The following DHRSX variants were observed in gnomAD, a reference collection of about 807,000 sequenced individuals.
DHRSX encodes dehydrogenase/reductase X-linked, also known as polyprenol dehydrogenase.
DHRSX carries 31 observed loss-of-function variants against 34.0 expected under a neutral mutation model. The observed-to-expected ratio is 0.91, with a 90% CI of 0.69 to 1.23. The LOEUF (loss-of-function observed/expected upper bound fraction) is 1.23, where lower values mean the gene tolerates loss of function less well. Among genes scored for constraint, DHRSX ranks in the 50% most tolerant of loss-of-function variants. The pLI, the probability that DHRSX is intolerant of heterozygous loss-of-function variation, is 0.00. For missense variants in DHRSX, 414 were observed against 428.1 expected (o/e 0.97, Z 0.29); for synonymous variants, 201 against 183.8 (o/e 1.09, Z -0.76).
chrX:2,222,456 G>C (rs1400527842), intron 6 of DHRSX, among the ~76,000 whole-genome samples: 1 of 152,200 alleles, frequency 6.6e-6, no homozygotes, highest in African/African-American at 2.4e-5. Context: ...TAGCATTTGT[G>C]AAATTGCGAG....
intron 3 of DHRSX, among the ~76,000 whole-genome samples, chrX:2,325,677 G>A (rs992099544): frequency 6.6e-6 from 1 of 151,934 alleles, no homozygotes; most frequent in African/African-American, 2.4e-5. Flanking sequence ...ATTAGGGTGG[G>A]CAACCAGCCT....
chrX:2,432,818 T>G (rs773869592), intron 1 of DHRSX, among the ~76,000 whole-genome samples: 1 of 152,262 alleles, frequency 6.6e-6, no homozygotes, highest in Admixed American at 6.5e-5. Context: ...ATTTCACTAT[T>G]TAAAAAACTA....
intron 1 of DHRSX, among the ~76,000 whole-genome samples, chrX:2,451,233 TAAAA>T (rs34552645): frequency 7.4e-6 from 1 of 135,636 alleles, no homozygotes; most frequent in African/African-American, 2.7e-5. Context: ...ACTCCATCTT[TAAAA>T]AAAAAAAAAA....
chrX:2,488,816 C>A (rs779419988), intron 1 of DHRSX: 44 of 1,613,790 alleles, frequency 2.7e-5, no homozygotes, highest in Non-Finnish European at 3.6e-5. Flanking sequence ...GGGAGCCAGC[C>A]GGTTCCTCTT....
chrX:2,459,280 C>T (rs2044360197), intron 1 of DHRSX, among the ~76,000 whole-genome samples: 1 of 151,946 alleles, frequency 6.6e-6, no homozygotes, highest in Admixed American at 6.6e-5. Flanking sequence ...TTTACATATT[C>T]TCATCACCAA....
intron 3 of DHRSX, among the ~76,000 whole-genome samples, chrX:2,394,301 C>G (rs1297612776): frequency 6.6e-6 from 1 of 152,194 alleles, no homozygotes; most frequent in Non-Finnish European, 1.5e-5. Flanking sequence ...CAGGAGAGAC[C>G]TGGACTTGGC....
At chrX:2,380,120 C>A (rs1262421768) in intron 3 of DHRSX, among the ~76,000 whole-genome samples, 1 of 151,816 alleles carries the variant, frequency 6.6e-6, no homozygotes, top group East Asian at 1.9e-4. Context: ...CATGGTGAAA[C>A]CCTGTCTCTA....
chrX:2,475,738 G>T (rs2044669863), intron 1 of DHRSX, among the ~76,000 whole-genome samples: 1 of 152,164 alleles, frequency 6.6e-6, no homozygotes, highest in African/African-American at 2.4e-5. Context: ...TAAGAATGTG[G>T]CCAAGGGAAT....
intron 6 of DHRSX, among the ~76,000 whole-genome samples, chrX:2,241,146 G>A (rs1274971423): frequency 6.6e-6 from 1 of 151,984 alleles, no homozygotes; most frequent in East Asian, 1.9e-4. Flanking sequence ...ATCACACCAC[G>A]GCACTCCAGC....
chrX:2,481,132 A>G lies in DHRSX; in HGVS notation c.109+19685T>C, dbSNP rs189753784. 5.3e-5 allele frequency among the ~76,000 whole-genome samples: 8 copies of G among 152,334 alleles called. No individual in the cohort carries two copies. The East Asian group carries it at 1.5e-3, about 29-fold the overall frequency. ...GTAACCAGCTTGATTTAATCATTGC[A>G]CAATGTGTACTCGGATTAAAACATC... On this transcript the variant is annotated intron_variant, in intron 1 of 6. Coordinates refer to ENST00000334651, the MANE Select transcript of DHRSX (RefSeq NM_145177.3).
intron 1 of DHRSX, among the ~76,000 whole-genome samples, chrX:2,433,716 C>T (rs760676500): frequency 6.6e-6 from 1 of 152,178 alleles, no homozygotes; most frequent in East Asian, 1.9e-4. Flanking sequence ...CATCCATGTC[C>T]CTGCAAAGGA....
chrX:2,401,552 G>T (rs1174255203), intron 3 of DHRSX, among the ~76,000 whole-genome samples: 2 of 152,166 alleles, frequency 1.3e-5, no homozygotes, highest in Non-Finnish European at 2.9e-5. Flanking sequence ...GATTACAGGG[G>T]TTCCACCATG....
At chrX:2,357,802 AG>A (rs2042875628) in intron 3 of DHRSX, among the ~76,000 whole-genome samples, 1 of 152,076 alleles carries the variant, frequency 6.6e-6, no homozygotes, top group African/African-American at 2.4e-5. Context: ...CAAATCACTA[AG>A]CCATTCATAG....
intron 1 of DHRSX, among the ~76,000 whole-genome samples, chrX:2,498,721 C>T (rs770874882): frequency 1.3e-5 from 2 of 152,206 alleles, no homozygotes; most frequent in South Asian, 2.1e-4. Flanking sequence ...GCAGGAACCC[C>T]GGCCTCTTCT....
chrX:2,287,968 A>G (rs2041824396), intron 4 of DHRSX, among the ~76,000 whole-genome samples: 1 of 152,214 alleles, frequency 6.6e-6, no homozygotes, highest in African/African-American at 2.4e-5. Flanking sequence ...TCTGGAACAC[A>G]TGAAAATGTG....
chrX:2,460,582 CTTT>C (rs71281906), intron 1 of DHRSX, among the ~76,000 whole-genome samples: 1 of 111,888 alleles, frequency 8.9e-6, no homozygotes, highest in Non-Finnish European at 1.8e-5. Context: ...CCACGTCTGG[CTTT>C]TTTTTTTTTT....
At chrX:2,495,493 A>C (rs899766874) in intron 1 of DHRSX, among the ~76,000 whole-genome samples, 1 of 152,142 alleles carries the variant, frequency 6.6e-6, no homozygotes, top group Non-Finnish European at 1.5e-5. Context: ...CCCCTAACCA[A>C]GTGACTCCTG....
chrX:2,489,972 C>G, intron 1 of DHRSX: 1 of 1,613,918 alleles, frequency 6.2e-7, no homozygotes, highest in Non-Finnish European at 8.5e-7. Context: ...TCATAGAGCA[C>G]TCGCGTGATG....
chrX:2,346,694 T>A (rs1226841396), intron 3 of DHRSX, among the ~76,000 whole-genome samples: 1 of 151,978 alleles, frequency 6.6e-6, no homozygotes, highest in Non-Finnish European at 1.5e-5. Context: ...GGGGTACATG[T>A]GCAGAACATG....
Sources: allele counts gnomAD v4.1 joint callset (sites outside exome capture counted in the v4.1 genomes callset), GRCh38; gene constraint gnomAD v4.1.1; transcripts MANE v1.5; gene names NCBI Gene and HGNC (gene_info 2026-07-23, HGNC 2026-07-21).